The following DNAJC13 variants were observed in gnomAD, a reference collection of about 807,000 sequenced individuals.
The protein encoded by DNAJC13 is dnaJ homolog subfamily C member 13.
A neutral mutation model predicts 290.5 loss-of-function variants in DNAJC13; 75 were observed. The ratio of observed to expected loss-of-function variants is 0.26; its 90% CI spans 0.21 to 0.31. The LOEUF is 0.31. Ranked by LOEUF, DNAJC13 falls within the 10% of genes least tolerant of loss-of-function variation. The pLI, the probability that DNAJC13 is intolerant of heterozygous loss-of-function variation, is 1.00. For synonymous variants in DNAJC13, 862 were observed against 892.0 expected, an observed-to-expected ratio of 0.97 and a Z score of 0.60; for missense variants, 2,260 against 2,674.5, an observed-to-expected ratio of 0.85 and a Z score of 3.42.
rs1936318072 is a variant in DNAJC13 at position 132,528,238 on chromosome 3, T to C, written c.6431T>C (p.Ile2144Thr). The C allele has an allele frequency of 6.2e-7, 1 of 1,614,086 alleles. No homozygotes were observed. Among genetic ancestry groups the C allele is most frequent in the Non-Finnish European group, 8.5e-7 (1 of 1,180,036 alleles). The change falls in exon 54 of 56, where the codon ATT becomes ACT. Residue 2144 changes from isoleucine to threonine, a missense_variant. Transcript: ENST00000260818. ...VPYLLKLLEG[I>T]GLENLDSPAA... ...TACCTCTTAAAATTACTCGAAGGCA[T>C]TGGCCTTGAAAACCTGGACAGCCCA...
At chr3:132,475,590 A>G (rs1233327991) in intron 22 of DNAJC13, among the ~76,000 whole-genome samples, 3 of 152,230 alleles carry the variant, frequency 2.0e-5, no homozygotes, top group Admixed American at 6.5e-5. Context: ...TTATAAACAT[A>G]TACAATTTAA....
At chr3:132,533,854 G>T (rs1175793925) in intron 55 of DNAJC13, among the ~76,000 whole-genome samples, 1 of 152,166 alleles carries the variant, frequency 6.6e-6, no homozygotes, top group African/African-American at 2.4e-5. Flanking sequence ...GAATCCAGAA[G>T]AAATAGGGGT....
intron 22 of DNAJC13, among the ~76,000 whole-genome samples, chr3:132,477,438 T>G (rs961052358): frequency 6.6e-6 from 1 of 152,212 alleles, no homozygotes; most frequent in African/African-American, 2.4e-5. Flanking sequence ...AGCTGTGGGA[T>G]AGAGGGAAGA....
At chr3:132,479,971 G>GTTATT (rs77274499) in intron 25 of DNAJC13, among the ~76,000 whole-genome samples, 15,152 of 152,078 alleles carry the variant, frequency 0.1, 829 homozygotes, top group South Asian at 0.14. Context: ...GAAATTACCA[G>GTTATT]TTAAGTTTAT....
intron 45 of DNAJC13, among the ~76,000 whole-genome samples, chr3:132,513,441 G>C (rs1409458594): frequency 6.6e-6 from 1 of 152,152 alleles, no homozygotes; most frequent in African/African-American, 2.4e-5. Flanking sequence ...TCTGATTGCT[G>C]TGTTCCTATG....
intron 6 of DNAJC13, 37 bp downstream of exon 6, chr3:132,450,884 G>T (rs749495748): frequency 8.0e-7 from 1 of 1,246,408 alleles, no homozygotes; most frequent in Non-Finnish European, 1.1e-6. Flanking sequence ...CACTTTAAAA[G>T]GGTCATGACC....
chr3:132,508,911 G>C (rs1559905168), intron 43 of DNAJC13, among the ~76,000 whole-genome samples: 1 of 152,194 alleles, frequency 6.6e-6, no homozygotes. Context: ...GAAAAAAAGA[G>C]CTTTCAAAAT....
rs1936665985 is a variant in DNAJC13, at chr3:132,538,482, A to AT, written c.*201dup. ...ATAAGAAAGCACTCTGTGGATCAAC[A>AT]TAAGTGGGTACACAAGAATTTTTTT... On this transcript the variant is annotated 3_prime_UTR_variant, in exon 56 of 56. Coordinates refer to ENST00000260818, the MANE Select transcript of DNAJC13 (RefSeq NM_015268.4). The AT allele has an allele frequency of 2.2e-6, 1 of 451,260 alleles. No homozygotes were observed. The highest frequency in any genetic ancestry group is 2.0e-5 in the African/African-American group (1 of 49,580). 28.0% of individuals were successfully genotyped at this position (451,260 alleles called of 1,614,324 possible).
chr3:132,467,296 G>A lies in DNAJC13; in HGVS notation c.2191G>A (p.Gly731Ser). ...ATTGATGCACTGGAGGGATAGGATG[G>A]GCATTGCTCAAAAAGAGGTAAAAAT... ...LVLMHWRDRM[G>S]IAQKENINQK... Residue 731 changes from glycine to serine, a missense_variant, in exon 20 of 56, where the codon GGC (glycine) becomes AGC (serine). Gly to Ser is a moderately conservative substitution (Grantham distance 56). Coordinates refer to ENST00000260818, the MANE Select transcript of DNAJC13 (RefSeq NM_015268.4). 6.2e-7 allele frequency: 1 copy of A among 1,612,696 alleles called. No homozygotes were observed. The highest frequency in any genetic ancestry group is 1.3e-5 in the African/African-American group (1 of 74,922).
Position 132,535,817 on chromosome 3 carries a change from A to G in DNAJC13, c.6626-2359A>G, listed in dbSNP as rs774457953. ...TTCCCATCTTTCTCTGAAGAACACA[A>G]CTGCCCTATTCTGTGCAAATGACCA... is the stretch of plus-strand genomic sequence containing the variant. On this transcript the variant is annotated intron_variant, in intron 55 of 55. Coordinates refer to ENST00000260818, the MANE Select transcript of DNAJC13 (RefSeq NM_015268.4). Among the ~76,000 whole-genome samples the G allele has an allele frequency of 1.5e-4, 23 of 152,194 alleles. 1 individual carries two copies. Among genetic ancestry groups the G allele is most frequent in the South Asian group, 1.0e-3 (5 of 4,810 alleles).
intron 55 of DNAJC13, among the ~76,000 whole-genome samples, chr3:132,537,510 A>G (rs1239236101): frequency 2.0e-5 from 3 of 152,254 alleles, no homozygotes; most frequent in Non-Finnish European, 2.9e-5. Context: ...TAATATGCCC[A>G]TAGGACACAT....
intron 41 of DNAJC13, among the ~76,000 whole-genome samples, chr3:132,503,986 A>AT (rs964744849): frequency 6.0e-4 from 92 of 152,120 alleles, no homozygotes; most frequent in African/African-American, 2.1e-3. Context: ...TTATAAAAAA[A>AT]AAAAGAGTAC....
At chr3:132,505,890 T>G (rs1490173754) in intron 42 of DNAJC13, among the ~76,000 whole-genome samples, 1 of 152,058 alleles carries the variant, frequency 6.6e-6, no homozygotes, top group East Asian at 1.9e-4. Flanking sequence ...TAATTATGTG[T>G]GTGGCTTTGG....
intron 2 of DNAJC13, among the ~76,000 whole-genome samples, chr3:132,444,082 G>A (rs1237105000): frequency 2.6e-5 from 4 of 152,188 alleles, no homozygotes; most frequent in African/African-American, 9.7e-5. Context: ...GCAGGAGGTA[G>A]GCGGTGGGCA....
intron 42 of DNAJC13, among the ~76,000 whole-genome samples, chr3:132,505,733 A>G (rs995367387): frequency 6.6e-6 from 1 of 152,130 alleles, no homozygotes; most frequent in African/African-American, 2.4e-5. Context: ...CAGTATCAAG[A>G]CTGAACATTT....
In DNAJC13 at chr3:132,502,393, C is replaced by A. The variant is rs757116571; in HGVS notation, c.4641C>A (p.Leu1547=). The change falls in exon 40 of 56, where the codon CTC becomes CTA. Residue 1547 remains leucine, a synonymous_variant. Coordinates refer to ENST00000260818, the MANE Select transcript of DNAJC13 (RefSeq NM_015268.4). ...TTCAGGCTGGAATTTTGTGGTATCT[C>A]CTTGGTTTTCTGTTTAATTATGACT... ...HLFQAGILWY[L]LGFLFNYDYT... The A allele has an allele frequency of 1.2e-6, 2 of 1,613,822 alleles. No homozygotes were observed. Among genetic ancestry groups the A allele is most frequent in the East Asian group, 4.5e-5 (2 of 44,876 alleles).
rs978266789 is a variant in DNAJC13 at position 132,538,173 on chromosome 3, C to T, written c.6626-3C>T. ...GGTGTGTGTTTACCTTTCTCTCTTG[C>T]AGGACCTGGAGTTGCTGGCTACCTT... On this transcript the variant is annotated splice_polypyrimidine_tract_variant and splice_region_variant and intron_variant, in intron 55 of 55. Coordinates refer to ENST00000260818, the MANE Select transcript of DNAJC13 (RefSeq NM_015268.4). 2.5e-6 allele frequency: 4 copies of T among 1,613,046 alleles called. No homozygotes were observed. The highest frequency in any genetic ancestry group is 1.7e-5 in the Admixed American group (1 of 59,974).
chr3:132,533,333 C>CTTT (rs1180651951), intron 55 of DNAJC13, among the ~76,000 whole-genome samples: 8,302 of 115,594 alleles, frequency 0.072, 509 homozygotes, highest in Non-Finnish European at 0.09. Flanking sequence ...TGCCCGCCCT[C>CTTT]TTTTTTTTTT....
At chr3:132,520,622 G>A (rs1242152727) in intron 48 of DNAJC13, among the ~76,000 whole-genome samples, 2 of 152,160 alleles carry the variant, frequency 1.3e-5, no homozygotes, top group Non-Finnish European at 2.9e-5. Context: ...TGTACAGCTG[G>A]TCAAATAATG....
Sources: allele counts gnomAD v4.1 joint callset (sites outside exome capture counted in the v4.1 genomes callset), GRCh38; gene constraint gnomAD v4.1.1; transcripts MANE v1.5; gene names NCBI Gene and HGNC (gene_info 2026-07-23, HGNC 2026-07-21).